The following SCN10A variants were observed in gnomAD, a reference collection of about 807,000 sequenced individuals.
The protein encoded by SCN10A is sodium voltage-gated channel alpha subunit 10.
A neutral mutation model predicts 170.7 loss-of-function variants in SCN10A; 162 were observed. That is an observed-to-expected ratio of 0.95 (90% CI 0.84 to 1.08). The LOEUF (loss-of-function observed/expected upper bound fraction) is 1.08, where lower values mean the gene tolerates loss of function less well. Ranked by LOEUF, SCN10A falls within the 50% of genes least tolerant of loss-of-function variation. The pLI is 0.00. For missense variants in SCN10A, 2,527 were observed against 2,436.9 expected, an observed-to-expected ratio of 1.04 and a Z score of -0.78; for synonymous variants, 985 against 904.6, an observed-to-expected ratio of 1.09 and a Z score of -1.59.
intron 27 of SCN10A, 73 bp downstream of exon 27, chr3:38,701,766 T>C (rs769584093): frequency 8.4e-6 from 12 of 1,429,988 alleles, no homozygotes; most frequent in Non-Finnish European, 1.1e-5. Flanking sequence ...GGTTATTTCC[T>C]TGGTTTTAGA....
At chr3:38,799,072 G>C (rs560184215) in intron 1 of SCN10A, among the ~76,000 whole-genome samples, 1 of 152,246 alleles carries the variant, frequency 6.6e-6, no homozygotes, top group African/African-American at 2.4e-5. Context: ...ATGAGCCACT[G>C]TGCCCAGCCC....
chr3:38,782,129 GTAAT>G (rs1272649424), intron 4 of SCN10A, among the ~76,000 whole-genome samples: 1 of 151,942 alleles, frequency 6.6e-6, no homozygotes, highest in African/African-American at 2.4e-5. Context: ...ACTGTCAAGT[GTAAT>G]TATTTTGTCC....
rs200361632 is a variant in SCN10A, at chr3:38,787,242, C to T, written c.470+1714G>A. The stretch of plus-strand genomic sequence containing the variant: ...TTTCCTTATAGAGATCTCACTTATA[C>T]TTTGATAATCTTATTCCTAGATACT... On this transcript the variant is annotated intron_variant, in intron 4 of 27. Transcript: ENST00000449082. Among the ~76,000 whole-genome samples the T allele has an allele frequency of 1.2e-4, 18 of 152,166 alleles. No homozygotes were observed. In the East Asian group the frequency reaches 2.5e-3, roughly 21 times the overall value.
Position 38,698,314 on chromosome 3 carries a change from C to A in SCN10A, c.4906G>T (p.Ala1636Ser), listed in dbSNP as rs1206808062. 3.1e-6 allele frequency: 5 copies of A among 1,613,998 alleles called. No individual in the cohort carries two copies. The highest frequency in any genetic ancestry group is 4.2e-6 in the Non-Finnish European group (5 of 1,180,032). The change falls in exon 28 of 28, where the codon GCT becomes TCT. Residue 1636 changes from alanine (A) to serine (S), a missense_variant. Ala to Ser is a moderately conservative substitution (Grantham distance 99). Coordinates refer to ENST00000449082, the MANE Select transcript of SCN10A (RefSeq NM_006514.4). ...AAGTTGAACATGTCGTCGATGCCAG[C>A]CTCCCACCTCACATGGGGAAAGCTG... ...MSSFPHVRWE[A>S]GIDDMFNFQT...
At chr3:38,716,889 G>A (rs6599249) in intron 21 of SCN10A, among the ~76,000 whole-genome samples, 32,203 of 152,026 alleles carry the variant, frequency 0.21, 3,625 homozygotes, top group African/African-American at 0.27. Context: ...ATGAATGGAT[G>A]ATGAATGGAA....
chr3:38,727,130 G>C, intron 16 of SCN10A, 78 bp from the exon 17 acceptor site: 1 of 1,401,432 alleles, frequency 7.1e-7, no homozygotes, highest in Non-Finnish European at 9.8e-7. Flanking sequence ...TTAGCAGCTG[G>C]CTGGCAAGAC....
intron 1 of SCN10A, among the ~76,000 whole-genome samples, chr3:38,801,553 C>G (rs1334877070): frequency 6.6e-6 from 1 of 152,096 alleles, no homozygotes; most frequent in Non-Finnish European, 1.5e-5. Flanking sequence ...ATTGGGGCAC[C>G]ATTGGAGAGT....
intron 4 of SCN10A, among the ~76,000 whole-genome samples, chr3:38,781,016 A>T (rs1201171023): frequency 6.6e-6 from 1 of 152,150 alleles, no homozygotes; most frequent in Non-Finnish European, 1.5e-5. Context: ...GTCATTCGGC[A>T]GTTGAAGCAA....
intron 20 of SCN10A, 150 bp from the exon 21 acceptor site, chr3:38,718,976 G>C (rs1157194979): frequency 2.9e-6 from 2 of 696,040 alleles, no homozygotes; most frequent in Non-Finnish European, 4.7e-6. Flanking sequence ...GTTTGCTGTG[G>C]GGAGGTAAAG....
chr3:38,809,438 G>A (rs539888441), intron 1 of SCN10A, among the ~76,000 whole-genome samples: 1 of 152,218 alleles, frequency 6.6e-6, no homozygotes, highest in Non-Finnish European at 1.5e-5. Flanking sequence ...AGCTGCAGGA[G>A]GTTATGGGGT....
chr3:38,714,147 C>G, intron 21 of SCN10A, 67 bp from the exon 22 acceptor site: 1 of 1,587,184 alleles, frequency 6.3e-7, no homozygotes, highest in South Asian at 1.1e-5. Flanking sequence ...TGGAAGGAGA[C>G]AGGAACTCCC....
In SCN10A at chr3:38,697,869, ATAT is replaced by A; in HGVS notation, c.5348_5350del (p.Asn1783del). On this transcript the variant is annotated inframe_deletion, in exon 28 of 28. Coordinates refer to ENST00000449082, the MANE Select transcript of SCN10A (RefSeq NM_006514.4). ...CAAAGGCAGGTCCATCTGGATCAGT[ATAT>A]TTCGATTGGGTTTTGGGATTCTCAG... The A allele has an allele frequency of 6.2e-7, 1 of 1,614,112 alleles. No individual in the cohort carries two copies. The highest frequency in any genetic ancestry group is 8.5e-7 in the Non-Finnish European group (1 of 1,180,022).
chr3:38,698,454 G>C lies in SCN10A; in HGVS notation c.4766C>G (p.Ala1589Gly). 3.1e-6 allele frequency: 5 copies of C among 1,614,192 alleles called. No individual in the cohort carries two copies. The highest frequency in any genetic ancestry group is 1.3e-5 in the African/African-American group (1 of 75,036). ...GAGCAGTGTGCGGATCCCCTTGGCC[G>C]CTCGGATCAGTCTGAGGATGCGGCC... is the stretch of plus-strand genomic sequence containing the variant. ...RIGRILRLIR[A>G]AKGIRTLLFA... is the part of the protein sequence containing the mutation. The change falls in exon 28 of 28, where the codon GCG (alanine) becomes GGG (glycine). Residue 1589 changes from alanine to glycine, a missense_variant. Transcript: ENST00000449082.
At chr3:38,720,507 GTACTT>G (rs2125995809) in intron 20 of SCN10A, among the ~76,000 whole-genome samples, 1 of 151,810 alleles carries the variant, frequency 6.6e-6, no homozygotes, top group East Asian at 1.9e-4. Flanking sequence ...TATTTTTTTG[GTACTT>G]TACTTTGTCA....
At chr3:38,760,461 T>C (rs771189138) in intron 8 of SCN10A, among the ~76,000 whole-genome samples, 4 of 152,240 alleles carry the variant, frequency 2.6e-5, no homozygotes, top group Non-Finnish European at 4.4e-5. Flanking sequence ...ATTAAATACA[T>C]TGTTGTTTTA....
intron 2 of SCN10A, among the ~76,000 whole-genome samples, chr3:38,792,461 G>A (rs1177964410): frequency 6.6e-6 from 1 of 152,150 alleles, no homozygotes; most frequent in Non-Finnish European, 1.5e-5. Flanking sequence ...CTGGTAAGAG[G>A]TGTTATGCCC....
chr3:38,780,988 A>G (rs2064132142), intron 4 of SCN10A, among the ~76,000 whole-genome samples: 1 of 152,144 alleles, frequency 6.6e-6, no homozygotes, highest in South Asian at 2.1e-4. Context: ...GGAAGAACTC[A>G]TCGTTGACCA....
intron 14 of SCN10A, among the ~76,000 whole-genome samples, chr3:38,741,528 G>A (rs935243167): frequency 3.3e-5 from 5 of 152,180 alleles, no homozygotes; most frequent in African/African-American, 1.2e-4. Context: ...AAAATAAAAT[G>A]AGATAATCCA....
At position 38,792,039 on chromosome 3, in the gene SCN10A, G is replaced by A; in HGVS notation, c.389+11C>T. 1.2e-6 allele frequency: 2 copies of A among 1,613,102 alleles called. No homozygotes were observed. The highest frequency in any genetic ancestry group is 1.7e-6 in the Non-Finnish European group (2 of 1,179,494). ...TGTAACACGTGGAAGAGGCAATCGT[G>A]CAAAGGATATGAGTGGACAGACACT... On this transcript the variant is annotated intron_variant, in intron 3 of 27. Transcript: ENST00000449082.
Sources: allele counts gnomAD v4.1 joint callset (sites outside exome capture counted in the v4.1 genomes callset), GRCh38; gene constraint gnomAD v4.1.1; transcripts MANE v1.5; gene names NCBI Gene and HGNC (gene_info 2026-07-23, HGNC 2026-07-21).